SBNO1: variants seen among roughly 807,000 people sequenced by gnomAD.
SBNO1 encodes the protein strawberry notch homolog 1.
Under a neutral mutation model 173.6 loss-of-function variants are expected in SBNO1, and 23 were observed. The observed-to-expected ratio is 0.13, with a 90% CI of 0.10 to 0.19. The LOEUF is 0.19. Ranked by LOEUF, SBNO1 falls within the 10% of genes least tolerant of loss-of-function variation. SBNO1 has a pLI of 1.00. For missense variants in SBNO1, 1,238 were observed against 1,671.2 expected (o/e 0.74, Z 4.52); for synonymous variants, 632 against 571.5 (o/e 1.11, Z -1.51).
rs1320370866 is a variant in SBNO1 at position 123,289,171 on chromosome 12, A to T, written c.*6737T>A. 6.7e-6 allele frequency: 1 copy of T among 148,608 alleles called. No individual in the cohort carries two copies. The highest frequency in any genetic ancestry group is 1.5e-5 in the Non-Finnish European group (1 of 67,994). The allele number at this position is 148,608 out of a possible 1,614,324, so 9.2% of individuals were successfully genotyped here. ...AAAAAACAAAACAAAAACCACCACAACAGAAAAAAAAACTAAATACAGAAT... is the reference window on the plus strand; with the variant it reads ...AAAAAACAAAACAAAAACCACCACATCAGAAAAAAAAACTAAATACAGAAT... On this transcript the variant is annotated 3_prime_UTR_variant, in exon 32 of 32. Coordinates refer to ENST00000602398, the MANE Select transcript of SBNO1 (RefSeq NM_001167856.3).
intron 16 of SBNO1, 124 bp from the exon 17 acceptor site, chr12:123,321,856 C>CA (rs1223264224): frequency 2.6e-6 from 2 of 776,034 alleles, no homozygotes; most frequent in Non-Finnish European, 4.2e-6. Flanking sequence ...TAGGTTAAGT[C>CA]AAAAAACAAA....
At chr12:123,318,912 G>T (rs1869626977) in intron 20 of SBNO1, among the ~76,000 whole-genome samples, 1 of 150,860 alleles carries the variant, frequency 6.6e-6, no homozygotes, top group African/African-American at 2.4e-5. Context: ...AAATATTTTA[G>T]TCTCAAAATC....
At chr12:123,364,246 G>C (rs1017391283) in intron 1 of SBNO1, 467 of 985,528 alleles carry the variant, frequency 4.7e-4, no homozygotes, top group Non-Finnish European at 5.5e-4. Flanking sequence ...CCAGAGCCGG[G>C]AGCAATGCTG....
chr12:123,337,054 C>T lies in SBNO1; in HGVS notation c.652-563G>A, dbSNP rs185918914. On this transcript the variant is annotated intron_variant, in intron 5 of 31. Coordinates refer to ENST00000602398, the MANE Select transcript of SBNO1 (RefSeq NM_001167856.3). ...GAAGACTGGAGTTTATTTTAGAGGC[C>T]CTTATGAAGAACAGAAAAATTTACT... Among the ~76,000 whole-genome samples, 9 of 152,240 alleles carry T rather than the reference C, an allele frequency of 5.9e-5. No homozygotes were observed. The East Asian group carries it at 1.7e-3, about 29-fold the overall frequency.
chr12:123,300,642 A>G (rs185938727), intron 30 of SBNO1, among the ~76,000 whole-genome samples: 1 of 151,194 alleles, frequency 6.6e-6, no homozygotes, highest in African/African-American at 2.4e-5. Flanking sequence ...TGGGTGACAG[A>G]GCGAGACTCC....
chr12:123,329,919 T>A (rs11057273), intron 9 of SBNO1, among the ~76,000 whole-genome samples: 1 of 152,140 alleles, frequency 6.6e-6, no homozygotes, highest in Non-Finnish European at 1.5e-5. Context: ...CTGGCACACA[T>A]TGTCTTTCAG....
intron 24 of SBNO1, 75 bp from the exon 25 acceptor site, chr12:123,311,204 T>C: frequency 2.8e-6 from 3 of 1,070,372 alleles, no homozygotes; most frequent in Non-Finnish European, 2.9e-6. Flanking sequence ...GAGAAAAGTA[T>C]GTTGTAAGTA....
chr12:123,314,504 AT>A (rs1357661426), intron 23 of SBNO1, among the ~76,000 whole-genome samples: 2 of 151,712 alleles, frequency 1.3e-5, no homozygotes, highest in African/African-American at 4.8e-5. Context: ...TAATTTTTCT[AT>A]TTTTAGTAGA....
intron 25 of SBNO1, 79 bp from the exon 26 acceptor site, chr12:123,309,935 C>T: frequency 9.1e-7 from 1 of 1,099,258 alleles, no homozygotes; most frequent in Middle Eastern, 3.0e-4. Flanking sequence ...GTTCAAGTCC[C>T]ACTTTCTCTT....
intron 5 of SBNO1, among the ~76,000 whole-genome samples, chr12:123,337,456 G>T (rs1871982811): frequency 6.6e-6 from 1 of 152,182 alleles, no homozygotes; most frequent in Non-Finnish European, 1.5e-5. Flanking sequence ...ATTAAGGCAA[G>T]ATCGAGACAG....
intron 7 of SBNO1, among the ~76,000 whole-genome samples, chr12:123,332,138 C>G (rs560827295): frequency 6.6e-6 from 1 of 151,994 alleles, no homozygotes; most frequent in African/African-American, 2.4e-5. Flanking sequence ...CACGAGTCAC[C>G]GCGCCCAGCT....
In SBNO1 at chr12:123,295,998, A is replaced by G; in HGVS notation, c.4092T>C (p.Thr1364=). ...CCGCAAGCTGTTGAGACTGGTCTGA[A>G]GTTGATAGGAGATTTACAAGAGGAG... The part of the protein sequence containing the change: ...CVSPLVNLLS[T]SDQSQQLAVQ... The change falls in exon 32 of 32, where the codon ACT becomes ACC. Residue 1364 remains threonine, a synonymous_variant. Coordinates refer to ENST00000602398, the MANE Select transcript of SBNO1 (RefSeq NM_001167856.3). The G allele has an allele frequency of 6.2e-7, 1 of 1,614,058 alleles. No individual in the cohort carries two copies. The highest frequency in any genetic ancestry group is 8.5e-7 in the Non-Finnish European group (1 of 1,179,924).
At chr12:123,299,957 G>A (rs1348924037) in intron 30 of SBNO1, among the ~76,000 whole-genome samples, 1 of 152,158 alleles carries the variant, frequency 6.6e-6, no homozygotes, top group Non-Finnish European at 1.5e-5. Flanking sequence ...CTGATACACT[G>A]GTTCTAAATC....
At chr12:123,313,832 T>A in intron 23 of SBNO1, 113 bp from the exon 24 acceptor site, 1 of 609,840 alleles carries the variant, frequency 1.6e-6, no homozygotes, top group Non-Finnish European at 2.9e-6. Context: ...CTCATGCCTG[T>A]AATCCCAGCA....
chr12:123,308,004 G>A (rs924909588), intron 28 of SBNO1, among the ~76,000 whole-genome samples: 33 of 152,198 alleles, frequency 2.2e-4, no homozygotes, highest in South Asian at 6.2e-4. Flanking sequence ...CCTGGGAGGC[G>A]GAGGTTGCAG....
At chr12:123,299,574 G>A (rs1345343606) in intron 30 of SBNO1, among the ~76,000 whole-genome samples, 5 of 151,322 alleles carry the variant, frequency 3.3e-5, no homozygotes, top group Non-Finnish European at 7.4e-5. Context: ...CCAGCTACTC[G>A]GGAGGCTGAG....
At chr12:123,321,407 T>C in intron 17 of SBNO1, 128 bp downstream of exon 17, 1 of 718,990 alleles carries the variant, frequency 1.4e-6, no homozygotes, top group Non-Finnish European at 2.3e-6. Context: ...AGCCTGGAGC[T>C]TTCCACCAAG....
rs1057340250 is a variant in SBNO1 at position 123,289,743 on chromosome 12, C to G, written c.*6165G>C. The G allele has an allele frequency of 6.6e-6, 1 of 152,174 alleles. No individual in the cohort carries two copies. Among genetic ancestry groups the G allele is most frequent in the Admixed American group, 6.6e-5 (1 of 15,264 alleles). 9.4% of individuals were successfully genotyped at this position (152,174 alleles called of 1,614,324 possible). A position where few individuals can be genotyped will look rare whatever the true frequency, so the allele number is the denominator to read the frequency against. On this transcript the variant is annotated 3_prime_UTR_variant, in exon 32 of 32. Transcript: ENST00000602398. ...TTGCAAATTCAGTATAAACCATGAA[C>G]AGGATATTTTTCTGATAGCGGTGAG... is the stretch of plus-strand genomic sequence containing the variant.
In SBNO1 at chr12:123,320,978, A is replaced by G. The variant is rs1489364660; in HGVS notation, c.2324-112T>C. The G allele has an allele frequency of 7.8e-6, 7 of 900,780 alleles. No homozygotes were observed. The South Asian group carries it at 1.3e-4, about 17-fold the overall frequency. The allele number at this position is 900,780 out of a possible 1,614,324, so 55.8% of individuals were successfully genotyped here. On this transcript the variant is annotated intron_variant, in intron 17 of 31. Coordinates refer to ENST00000602398, the MANE Select transcript of SBNO1 (RefSeq NM_001167856.3). ...TTTTGAGACAATGTTTCGCTGTTGT[A>G]GCCCAGGCTGGAGTGCAATGGCGCA...
Sources: gnomAD v4.1 joint callset for allele counts (sites outside exome capture counted in the v4.1 genomes callset) on GRCh38, gnomAD v4.1.1 for gene constraint, MANE v1.5 for transcripts, NCBI Gene and HGNC (gene_info 2026-07-23, HGNC 2026-07-21) for gene names.